The following HPS5 variants were observed in gnomAD, a reference collection of about 807,000 sequenced individuals.
The protein encoded by HPS5 is BLOC-2 complex member HPS5.
HPS5 carries 83 observed loss-of-function variants against 128.0 expected under a neutral mutation model. That is an observed-to-expected ratio of 0.65 (90% confidence interval 0.54 to 0.78). The LOEUF is 0.78. HPS5 is among the 30% of genes least tolerant of loss of function. The pLI is 0.00. For missense variants in HPS5, 1,281 were observed against 1,326.2 expected, an observed-to-expected ratio of 0.97 and a Z score of 0.53; for synonymous variants, 475 against 470.2, an observed-to-expected ratio of 1.01 and a Z score of -0.13.
chr11:18,294,880 T>C (rs1469706504), intron 14 of HPS5, 140 bp downstream of exon 14: 1 of 797,062 alleles, frequency 1.3e-6, no homozygotes, highest in Non-Finnish European at 2.1e-6. Context: ...CTTTACAAAT[T>C]TGTGTTGGGC....
At chr11:18,311,271 C>A (rs1862950541) in intron 4 of HPS5, 116 bp downstream of exon 4, 1 of 764,822 alleles carries the variant, frequency 1.3e-6, no homozygotes, top group African/African-American at 1.8e-5. Context: ...AGGAGTTTCA[C>A]TGTTAAAACC....
chr11:18,316,761 T>C (rs1342274440), intron 2 of HPS5, among the ~76,000 whole-genome samples: 1 of 152,120 alleles, frequency 6.6e-6, no homozygotes, highest in African/African-American at 2.4e-5. Context: ...GAAGAGGCTG[T>C]TTGTCAGGAA....
chr11:18,279,693 C>A lies in HPS5; in HGVS notation c.*189G>T. ...GCTGAGTACAACTTTGGTTAAGAAA[C>A]ACTGAGGTCATGGATAAAGAGTCAC... On this transcript the variant is annotated 3_prime_UTR_variant, in exon 23 of 23. Transcript: ENST00000349215. 1.6e-6 allele frequency: 1 copy of A among 627,212 alleles called. No individual in the cohort carries two copies. Among genetic ancestry groups the A allele is most frequent in the Admixed American group, 2.7e-5 (1 of 36,442 alleles). 38.9% of individuals were successfully genotyped at this position (627,212 alleles called of 1,614,324 possible).
chr11:18,307,802 G>C (rs982496957), intron 6 of HPS5, among the ~76,000 whole-genome samples: 2 of 151,134 alleles, frequency 1.3e-5, no homozygotes, highest in African/African-American at 2.4e-5. Flanking sequence ...GAAACAAAAA[G>C]ATTTTTTAAC....
chr11:18,299,549 A>C (rs527640128), intron 9 of HPS5, among the ~76,000 whole-genome samples: 1 of 152,340 alleles, frequency 6.6e-6, no homozygotes. Context: ...AGAACCAAAA[A>C]GTCAACATAA....
At position 18,291,656 on chromosome 11, in the gene HPS5, T is replaced by A; in HGVS notation, c.2226A>T (p.Thr742=). The A allele has an allele frequency of 6.2e-7, 1 of 1,614,212 alleles. No homozygotes were observed. Among genetic ancestry groups the A allele is most frequent in the East Asian group, 2.2e-5 (1 of 44,882 alleles). Reference sequence around the variant, plus strand: ...TCAATACATTCAACTCCAAACATAATGTTGTCAATTCAGCCAGGTCGTTCC... The same window carrying A: ...TCAATACATTCAACTCCAAACATAAAGTTGTCAATTCAGCCAGGTCGTTCC... ...GLRNDLAELT[T]LCLELNVLNS... is the part of the protein sequence containing the mutation. Residue 742 remains threonine (T), a synonymous_variant, in exon 16 of 23, where the codon ACA becomes ACT. Coordinates refer to ENST00000349215, the MANE Select transcript of HPS5 (RefSeq NM_181507.2).
In HPS5 at chr11:18,291,881, C is replaced by CT. The variant is rs1860452727; in HGVS notation, c.2000_2001insA (p.Met667IlefsTer11). 7 of 1,606,408 alleles carry CT rather than the reference C, an allele frequency of 4.4e-6. No homozygotes were observed. The highest frequency in any genetic ancestry group is 6.0e-6 in the Non-Finnish European group (7 of 1,176,306). On this transcript the variant is annotated frameshift_variant, in exon 16 of 23. Coordinates refer to ENST00000349215, the MANE Select transcript of HPS5 (RefSeq NM_181507.2). LOFTEE classifies it high-confidence loss of function. The stretch of plus-strand genomic sequence containing the variant: ...CTAATAGCACATCCTGGTTCAATTT[C>CT]ATGGATGAGTTGTCAGTATCTGAAA...
In HPS5 at chr11:18,317,902, C is replaced by A. The variant is rs767558465; in HGVS notation, c.-44G>T. 1 of 1,593,858 alleles carries A rather than the reference C, an allele frequency of 6.3e-7. No individual in the cohort carries two copies. Among genetic ancestry groups the A allele is most frequent in the African/African-American group, 1.3e-5 (1 of 74,648 alleles). On this transcript the variant is annotated 5_prime_UTR_variant, in exon 2 of 23. Transcript: ENST00000349215. ...CTTGTTGAATGATAGATACAGTATTCCTCACCTGAATAAAATCCACAAAAA... is the reference window on the plus strand; with the variant it reads ...CTTGTTGAATGATAGATACAGTATTACTCACCTGAATAAAATCCACAAAAA...
intron 10 of HPS5, 122 bp from the exon 11 acceptor site, chr11:18,297,839 G>A: frequency 1.1e-6 from 1 of 923,064 alleles, no homozygotes; most frequent in Non-Finnish European, 1.7e-6. Context: ...CAGCACTCTG[G>A]GAGGCCGAGG....
chr11:18,305,623 C>T (rs774874253), intron 7 of HPS5, 130 bp from the exon 8 acceptor site: 17 of 639,128 alleles, frequency 2.7e-5, no homozygotes, highest in African/African-American at 7.3e-5. Flanking sequence ...TGCCCTTATT[C>T]GCCTGACACT....
In HPS5 at chr11:18,295,073, T is replaced by C. The variant is rs1409109397; in HGVS notation, c.1731A>G (p.Gln577=). The C allele has an allele frequency of 6.2e-7, 1 of 1,614,156 alleles. No homozygotes were observed. Among genetic ancestry groups the C allele is most frequent in the Admixed American group, 1.7e-5 (1 of 60,022 alleles). ...CTGAACTCACATCCTCTTCACATGA[T>C]TGCTCATCACCCCTGAGCTCTGGTC... The part of the protein sequence containing the change: ...KVRPELRGDE[Q]SCEEDVSSDT... The change falls in exon 14 of 23, where the codon CAA becomes CAG. Residue 577 remains glutamine (Q), a synonymous_variant. Coordinates refer to ENST00000349215, the MANE Select transcript of HPS5 (RefSeq NM_181507.2).
At chr11:18,308,871 T>C (rs983399424) in intron 6 of HPS5, 75 bp downstream of exon 6, 6 of 1,431,000 alleles carry the variant, frequency 4.2e-6, no homozygotes, top group Middle Eastern at 1.7e-4. Context: ...TGATGGGGCT[T>C]GGGGTAGATA....
At chr11:18,285,590 C>A in intron 19 of HPS5, 131 bp from the exon 20 acceptor site, 1 of 665,482 alleles carries the variant, frequency 1.5e-6, no homozygotes, top group Non-Finnish European at 2.6e-6. Flanking sequence ...TGCTATTTGG[C>A]TTTTGAAAAC....
intron 13 of HPS5, among the ~76,000 whole-genome samples, chr11:18,295,546 T>C (rs1860953867): frequency 6.6e-6 from 1 of 152,210 alleles, no homozygotes; most frequent in Non-Finnish European, 1.5e-5. Flanking sequence ...AATATACCCT[T>C]CTTAAGCAAA....
intron 2 of HPS5, among the ~76,000 whole-genome samples, chr11:18,312,482 G>C (rs1044495151): frequency 1.3e-5 from 2 of 152,334 alleles, no homozygotes; most frequent in African/African-American, 4.8e-5. Flanking sequence ...CTCCATCAGA[G>C]AATGCAGTGG....
At chr11:18,285,198 T>A in intron 20 of HPS5, 148 bp downstream of exon 20, 1 of 553,698 alleles carries the variant, frequency 1.8e-6, no homozygotes, top group Non-Finnish European at 3.1e-6. Context: ...AGATGTTTAA[T>A]TTACTATCAC....
rs1368555728 is a variant in HPS5 at position 18,306,157 on chromosome 11, G to A, written c.802C>T (p.Pro268Ser). 7 of 1,612,616 alleles carry A rather than the reference G, an allele frequency of 4.3e-6. No homozygotes were observed. The highest frequency in any genetic ancestry group is 1.3e-5 in the African/African-American group (1 of 74,980). Residue 268 changes from proline (P) to serine (S), a missense_variant, in exon 7 of 23, where the codon CCT (proline) becomes TCT (serine). Coordinates refer to ENST00000349215, the MANE Select transcript of HPS5 (RefSeq NM_181507.2). ...HQFKKLLSLPPLPVITLRSEP... is the reference protein window; with the variant it reads ...HQFKKLLSLPSLPVITLRSEP... ...TACCTGAGAGTAATCACAGGGAGAGGTGGCAACGAGAGGAGTTTCTTGAAC... is the reference window on the plus strand; with the variant it reads ...TACCTGAGAGTAATCACAGGGAGAGATGGCAACGAGAGGAGTTTCTTGAAC...
intron 16 of HPS5, 83 bp downstream of exon 16, chr11:18,291,359 C>CT: frequency 3.5e-5 from 30 of 857,256 alleles, no homozygotes; most frequent in Non-Finnish European, 5.0e-5. Flanking sequence ...CTACTTAAAT[C>CT]TTTTTTTTAA....
chr11:18,312,138 C>G, intron 2 of HPS5, 114 bp from the exon 3 acceptor site: 1 of 799,906 alleles, frequency 1.3e-6, no homozygotes, highest in Non-Finnish European at 2.2e-6. Flanking sequence ...TCACTTTACC[C>G]TCTGCCCATA....
Sources: gnomAD v4.1 joint callset for allele counts (sites outside exome capture counted in the v4.1 genomes callset) on GRCh38, gnomAD v4.1.1 for gene constraint, MANE v1.5 for transcripts, NCBI Gene and HGNC (gene_info 2026-07-23, HGNC 2026-07-21) for gene names.